The following CLASRP variants were observed in gnomAD, a reference collection of about 807,000 sequenced individuals.
CLASRP encodes CLK4 associating serine/arginine rich protein, also known as CLK4-associating serine/arginine rich protein.
Under a neutral mutation model 99.9 loss-of-function variants are expected in CLASRP, and 52 were observed. The ratio of observed to expected loss-of-function variants is 0.52; its 90% confidence interval spans 0.42 to 0.66. CLASRP has a LOEUF of 0.66. Among genes scored for constraint, CLASRP ranks in the 30% least tolerant of loss-of-function variants. CLASRP has a pLI of 0.00. For synonymous variants in CLASRP, 379 were observed against 373.0 expected (o/e 1.02, Z -0.18); for missense variants, 848 against 999.2 (o/e 0.85, Z 2.04).
Position 45,047,411 on chromosome 19 carries a change from C to CAAAAAAAAA in CLASRP, c.100-4648_100-4640dup, listed in dbSNP as rs35621559. ...TGGGTGACAGAGCAAGACTCCATCT[C>CAAAAAAAAA]AAAAAAAAAAAAAAAAAAAACAGAG... On this transcript the variant is annotated intron_variant, in intron 2 of 20. Coordinates refer to ENST00000221455, the MANE Select transcript of CLASRP (RefSeq NM_007056.3). 26 of 84,404 alleles carry CAAAAAAAAA rather than the reference C, an allele frequency of 3.1e-4. 1 individual carries two copies. The highest frequency in any genetic ancestry group is 1.2e-3 in the African/African-American group (24 of 19,468). 5.2% of individuals were successfully genotyped at this position (84,404 alleles called of 1,614,324 possible).
chr19:45,062,329 C>G (rs1966959314), intron 11 of CLASRP, 134 bp downstream of exon 11: 2 of 630,816 alleles, frequency 3.2e-6, no homozygotes, highest in Admixed American at 2.6e-5. Context: ...TGTTCTGGGT[C>G]TGAATCATTT....
chr19:45,058,029 C>G, intron 7 of CLASRP, 131 bp downstream of exon 7: 1 of 1,124,882 alleles, frequency 8.9e-7, no homozygotes, highest in Non-Finnish European at 1.3e-6. Flanking sequence ...CAGGGCACAC[C>G]AGCCTCCTGC....
intron 2 of CLASRP, among the ~76,000 whole-genome samples, chr19:45,047,144 T>C (rs1399961823): frequency 3.3e-5 from 5 of 151,986 alleles, no homozygotes; most frequent in Non-Finnish European, 7.4e-5. Context: ...GAGGGATACA[T>C]CGAGAAAGAA....
rs774089594 is a variant in CLASRP at position 45,064,201 on chromosome 19, C to T, written c.1095C>T (p.Pro365=). 1.9e-6 allele frequency: 3 copies of T among 1,600,772 alleles called. No homozygotes were observed. Among genetic ancestry groups the T allele is most frequent in the South Asian group, 1.1e-5 (1 of 90,190 alleles). Residue 365 remains proline (P), a synonymous_variant, in exon 12 of 21, where the codon CCC becomes CCT. Transcript: ENST00000221455. ...CCGCACCTCCCCAGCCTGGCGGCCC[C>T]GCCCCGGGACGTAATGCCAGCGCCC... ...KPPAPPQPGG[P]APGRNASARR...
intron 2 of CLASRP, 38 bp from the exon 3 acceptor site, chr19:45,052,033 C>A: frequency 2.6e-6 from 4 of 1,551,980 alleles, no homozygotes; most frequent in Non-Finnish European, 3.6e-6. Flanking sequence ...GTTTGGAGCT[C>A]TGTTGGGTGG....
chr19:45,048,440 C>T (rs193015463), intron 2 of CLASRP, among the ~76,000 whole-genome samples: 2 of 151,750 alleles, frequency 1.3e-5, no homozygotes, highest in East Asian at 2.0e-4. Flanking sequence ...GCAGGAGAAT[C>T]GCTTGAACCT....
intron 2 of CLASRP, among the ~76,000 whole-genome samples, chr19:45,047,272 G>A (rs913597001): frequency 2.0e-5 from 3 of 151,974 alleles, no homozygotes; most frequent in African/African-American, 7.2e-5. Context: ...TAAGCCAGTC[G>A]CAAAAAGACA....
intron 15 of CLASRP, 28 bp from the exon 16 acceptor site, chr19:45,068,392 T>TCTCCCGCCTCTTCTCCCCC (rs1333619478): frequency 3.0e-6 from 2 of 671,926 alleles, no homozygotes; most frequent in Admixed American, 2.6e-5. Context: ...ACCCACCCCC[T>TCTCCCGCCTCTTCTCCCCC]CTCCCGCCTC....
intron 13 of CLASRP, among the ~76,000 whole-genome samples, chr19:45,065,411 A>T (rs1255227351): frequency 2.0e-5 from 3 of 148,782 alleles, no homozygotes; most frequent in East Asian, 3.9e-4. Flanking sequence ...AAAAAAAAAA[A>T]TTAGCTGGGC....
At position 45,067,472 on chromosome 19, in the gene CLASRP, C is replaced by T. The variant is rs1967115245; in HGVS notation, c.1545C>T (p.Ser515=). Residue 515 remains serine (S), a synonymous_variant, in exon 14 of 21, where the codon AGC becomes AGT. Coordinates refer to ENST00000221455, the MANE Select transcript of CLASRP (RefSeq NM_007056.3). The surrounding 1 kb of genome is among the most constrained non-coding windows in gnomAD (Gnocchi z 4.9). ...SRSLTRSRSH[S]PSPSQSRSRS... ...GCCTGACTCGCAGCCGCAGCCATAG[C>T]CCCAGCCCCAGCCAGAGCCGCAGCC... The T allele has an allele frequency of 1.9e-6, 3 of 1,560,988 alleles. No homozygotes were observed. Among genetic ancestry groups the T allele is most frequent in the Middle Eastern group, 1.7e-4 (1 of 5,968 alleles).
intron 2 of CLASRP, among the ~76,000 whole-genome samples, chr19:45,051,528 A>G (rs562161734): frequency 6.6e-6 from 1 of 151,634 alleles, no homozygotes; most frequent in East Asian, 2.0e-4. Context: ...TTGGTCTGGA[A>G]CTCCTGACTT....
chr19:45,045,198 G>T (rs1438502425), intron 2 of CLASRP, among the ~76,000 whole-genome samples: 1 of 152,188 alleles, frequency 6.6e-6, no homozygotes, highest in African/African-American at 2.4e-5. Flanking sequence ...AGGAAAAGGG[G>T]CAAAGCGCTC....
rs1414879311 is a variant in CLASRP, at chr19:45,067,368, C to T, written c.1441C>T (p.Arg481Trp). The change falls in exon 14 of 21, where the codon CGG becomes TGG. Residue 481 changes from arginine to tryptophan, a missense_variant. Physicochemically the swap from Arg to Trp is moderately radical, Grantham distance 101. Transcript: ENST00000221455. This position sits in a 1 kb window ranked among gnomAD's most constrained non-coding sequence, Gnocchi z 4.9. ...SRSHSGDRYR[R>W]GGRGLRHHSS... ...CTCCCACTCAGGGGACCGCTACAGG[C>T]GGGGCGGCCGGGGCCTCAGGCACCA... The T allele has an allele frequency of 4.6e-6, 7 of 1,524,452 alleles. No homozygotes were observed. Among genetic ancestry groups the T allele is most frequent in the African/African-American group, 4.1e-5 (3 of 72,884 alleles). 94.4% of individuals were successfully genotyped at this position (1,524,452 alleles called of 1,614,324 possible).
chr19:45,050,857 C>T (rs1244156196), intron 2 of CLASRP, among the ~76,000 whole-genome samples: 4 of 151,940 alleles, frequency 2.6e-5, no homozygotes, highest in Non-Finnish European at 5.9e-5. Context: ...GCTGGGATTA[C>T]AGGCGCCTGC....
chr19:45,057,823 G>A lies in CLASRP; in HGVS notation c.538G>A (p.Glu180Lys). The A allele has an allele frequency of 6.2e-7, 1 of 1,614,082 alleles. No homozygotes were observed. The highest frequency in any genetic ancestry group is 8.5e-7 in the Non-Finnish European group (1 of 1,179,952). Residue 180 changes from glutamate to lysine, a missense_variant, in exon 7 of 21, where the codon GAA (glutamate) becomes AAA (lysine). Glu to Lys is a moderately conservative substitution (Grantham distance 56). This residue lies in a region of CLASRP where 119 missense variants were observed against 170.2 expected (regional missense o/e 0.70). Transcript: ENST00000221455. ...GGTGGCCGAGGTAGAGAAGGCGGCA[G>A]AAAAGCCAGAGGAGGAGGAGTCAGC... ...STVAEVEKAA[E>K]KPEEEESAAE...
At chr19:45,040,349 G>A in intron 2 of CLASRP, 38 bp downstream of exon 2, 1 of 1,443,146 alleles carries the variant, frequency 6.9e-7, no homozygotes. Context: ...GAGGGACCCT[G>A]GGTTGGGGGG....
intron 15 of CLASRP, 140 bp from the exon 16 acceptor site, chr19:45,068,280 C>A: frequency 1.5e-6 from 1 of 668,382 alleles, no homozygotes; most frequent in Non-Finnish European, 2.8e-6. Context: ...TCAGGGCTGT[C>A]CACAGCCTGC....
chr19:45,046,941 C>T (rs903794822), intron 2 of CLASRP, among the ~76,000 whole-genome samples: 2 of 152,086 alleles, frequency 1.3e-5, no homozygotes, highest in Non-Finnish European at 2.9e-5. Flanking sequence ...GCAGGAGAAT[C>T]GCTTGAACCC....
At position 45,063,436 on chromosome 19, in the gene CLASRP, C is replaced by CTT. The variant is rs565600159; in HGVS notation, c.906-550_906-549dup. Among the ~76,000 whole-genome samples the CTT allele has an allele frequency of 2.5e-3, 106 of 42,388 alleles. 21 individuals are homozygous for CTT. Among genetic ancestry groups the CTT allele is most frequent in the Non-Finnish European group, 4.0e-3 (88 of 21,840 alleles). 27.8% of individuals were successfully genotyped at this position (42,388 alleles called of 152,430 possible). Reference sequence around the variant, plus strand: ...GTGTTTTGTACAGAGATCTGCTTATCTTTTTTTTTTTTTTTTTTTTTTTTT... The same window carrying CTT: ...GTGTTTTGTACAGAGATCTGCTTATCTTTTTTTTTTTTTTTTTTTTTTTTTTT... On this transcript the variant is annotated intron_variant, in intron 11 of 20. Transcript: ENST00000221455.
Sources: gnomAD v4.1 joint callset for allele counts (sites outside exome capture counted in the v4.1 genomes callset) on GRCh38, gnomAD v4.1.1 for gene constraint, gnomAD v4.1.1 regional missense constraint, Gnocchi (gnomAD v3.1) non-coding constraint, MANE v1.5 for transcripts, NCBI Gene and HGNC (gene_info 2026-07-23, HGNC 2026-07-21) for gene names.